CFAP97: variants seen among roughly 807,000 people sequenced by gnomAD.
The protein encoded by CFAP97 is cilia and flagella associated protein 97, also known as cilia- and flagella-associated protein 97.
A neutral mutation model predicts 43.1 loss-of-function variants in CFAP97; 36 were observed. The ratio of observed to expected loss-of-function variants is 0.84; its 90% confidence interval spans 0.64 to 1.10. The LOEUF is 1.10. Among genes scored for constraint, CFAP97 ranks in the 50% least tolerant of loss-of-function variants. The probability of loss-of-function intolerance (pLI) is 0.00; values close to 1 mark genes in which losing one functional copy is unlikely to be tolerated. For synonymous variants in CFAP97, 228 were observed against 225.7 expected, an observed-to-expected ratio of 1.01 and a Z score of -0.09; for missense variants, 657 against 620.3, an observed-to-expected ratio of 1.06 and a Z score of -0.63.
In CFAP97 at chr4:185,190,260, CT is replaced by C. The variant is rs1736176901; in HGVS notation, c.936del (p.Glu313LysfsTer15). ...SKYLKAAKKG[K>X]EKHEPDVSSK... is the part of the protein sequence containing the mutation. ...GAGGAGACATCAGGCTCATGTTTTTCTTTCCCTTTTTTGGCTGCTTTCAAAT... is the reference window on the plus strand; with the variant it reads ...GAGGAGACATCAGGCTCATGTTTTTCTTCCCTTTTTTGGCTGCTTTCAAAT... On this transcript the variant is annotated frameshift_variant, in exon 2 of 5. Coordinates refer to ENST00000458385, the MANE Select transcript of CFAP97 (RefSeq NM_020827.3). LOFTEE classifies it high-confidence loss of function. 1 of 1,613,192 alleles carries C rather than the reference CT, an allele frequency of 6.2e-7. No individual in the cohort carries two copies. Among genetic ancestry groups the C allele is most frequent in the Non-Finnish European group, 8.5e-7 (1 of 1,179,512 alleles).
intron 1 of CFAP97, among the ~76,000 whole-genome samples, chr4:185,202,391 A>G (rs1430555563): frequency 6.6e-6 from 1 of 152,128 alleles, no homozygotes; most frequent in Non-Finnish European, 1.5e-5. Context: ...TCTACAAAAA[A>G]TACAAAAATT....
intron 2 of CFAP97, among the ~76,000 whole-genome samples, chr4:185,184,879 T>C (rs1373683881): frequency 2.0e-5 from 3 of 152,202 alleles, no homozygotes; most frequent in African/African-American, 7.2e-5. Context: ...TACCTTCCTT[T>C]TGTATGCTCG....
chr4:185,166,697 A>G (rs924630323), intron 3 of CFAP97, among the ~76,000 whole-genome samples: 2 of 152,222 alleles, frequency 1.3e-5, no homozygotes, highest in South Asian at 2.1e-4. Context: ...TAGGGAAATA[A>G]GAGAGAAATG....
intron 3 of CFAP97, chr4:185,169,409 G>A (rs1735201838): frequency 5.5e-6 from 1 of 180,438 alleles, no homozygotes; most frequent in Non-Finnish European, 1.1e-5. Context: ...CTGCCACCAT[G>A]TAAGACATGC....
At chr4:185,207,089 T>TC (rs1024385983), upstream of CFAP97, among the ~76,000 whole-genome samples, 1 of 152,044 alleles carries the variant, frequency 6.6e-6, no homozygotes, top group African/African-American at 2.4e-5. Flanking sequence ...GGGTGGATCT[T>TC]CCCTACTCAA....
In CFAP97 at chr4:185,190,630, T is replaced by C. The variant is rs1426808471; in HGVS notation, c.567A>G (p.Leu189=). 2.0e-5 allele frequency: 32 copies of C among 1,596,304 alleles called. No individual in the cohort carries two copies. Among genetic ancestry groups the C allele is most frequent in the Non-Finnish European group, 2.6e-5 (30 of 1,170,718 alleles). The change falls in exon 2 of 5, where the codon TTA becomes TTG. Residue 189 remains leucine (L), a synonymous_variant. Coordinates refer to ENST00000458385, the MANE Select transcript of CFAP97 (RefSeq NM_020827.3). ...SSSSGSGTDC[L]DAGSDSHLSD... is the part of the protein sequence containing the mutation. ...ATAGATGGCTATCAGACCCTGCATC[T>C]AAACAATCTGTACCTGAACCTGAAG...
rs1363972889 is a variant in CFAP97 at position 185,160,977 on chromosome 4, A to T, written c.*1821T>A. The T allele has an allele frequency of 3.3e-5, 5 of 150,196 alleles. No homozygotes were observed. Among genetic ancestry groups the T allele is most frequent in the African/African-American group, 4.9e-5 (2 of 41,120 alleles). The allele number at this position is 150,196 out of a possible 1,614,324, so 9.3% of individuals were successfully genotyped here. A position where few individuals can be genotyped will look rare whatever the true frequency, so the allele number is the denominator to read the frequency against. On this transcript the variant is annotated 3_prime_UTR_variant, in exon 5 of 5. Coordinates refer to ENST00000458385, the MANE Select transcript of CFAP97 (RefSeq NM_020827.3). Reference sequence around the variant, plus strand: ...CTGGAACAACTTAAAAATCAATTTTAAAAAAACTGATTAATTCACTATTGG... The same window carrying T: ...CTGGAACAACTTAAAAATCAATTTTTAAAAAACTGATTAATTCACTATTGG...
chr4:185,193,887 G>GATAAATAAATAAATAA (rs71593607), intron 1 of CFAP97, among the ~76,000 whole-genome samples: 44,040 of 147,196 alleles, frequency 0.3, 7,090 homozygotes, highest in East Asian at 0.38. Flanking sequence ...GACTCCATCT[G>GATAAATAAATAAATAA]ATAAATAAAT....
At chr4:185,195,060 A>C (rs1312068651) in intron 1 of CFAP97, among the ~76,000 whole-genome samples, 6 of 152,232 alleles carry the variant, frequency 3.9e-5, no homozygotes, top group Non-Finnish European at 8.8e-5. Flanking sequence ...TACTGTTTGC[A>C]GTAGCAATGC....
At chr4:185,201,964 A>T (rs182714433) in intron 1 of CFAP97, among the ~76,000 whole-genome samples, 1 of 152,264 alleles carries the variant, frequency 6.6e-6, no homozygotes, top group Non-Finnish European at 1.5e-5. Context: ...TAAAATACGT[A>T]TGCCTTTTCT....
intron 3 of CFAP97, among the ~76,000 whole-genome samples, chr4:185,170,746 A>C: frequency 6.7e-6 from 1 of 149,944 alleles, no homozygotes; most frequent in Non-Finnish European, 1.5e-5. Context: ...GTACTTTGAG[A>C]CGCCGAGGCT....
At chr4:185,174,725 C>G (rs1432968476) in intron 3 of CFAP97, among the ~76,000 whole-genome samples, 1 of 152,126 alleles carries the variant, frequency 6.6e-6, no homozygotes, top group Non-Finnish European at 1.5e-5. Flanking sequence ...AAATATTTAA[C>G]CTGTCTAACC....
At chr4:185,188,875 ACAAT>A (rs1422040005) in intron 2 of CFAP97, among the ~76,000 whole-genome samples, 2 of 152,220 alleles carry the variant, frequency 1.3e-5, no homozygotes, top group Admixed American at 6.5e-5. Context: ...GAGACTCTAA[ACAAT>A]CAATAGGTAC....
chr4:185,206,929 G>C (rs1450521722), upstream of CFAP97, among the ~76,000 whole-genome samples: 1 of 152,162 alleles, frequency 6.6e-6, no homozygotes, highest in Admixed American at 6.5e-5. Context: ...AACCCAGGAG[G>C]CTGCTAGTGT....
At chr4:185,164,832 A>G (rs1332140052) in intron 3 of CFAP97, among the ~76,000 whole-genome samples, 1 of 152,262 alleles carries the variant, frequency 6.6e-6, no homozygotes, top group Non-Finnish European at 1.5e-5. Context: ...AATAGGAGTT[A>G]TAATGCTAAG....
At chr4:185,175,238 T>TTCTC (rs10638706) in intron 3 of CFAP97, among the ~76,000 whole-genome samples, 4,514 of 149,128 alleles carry the variant, frequency 0.03, 125 homozygotes, top group East Asian at 0.13. Flanking sequence ...AATGGTCTCC[T>TTCTC]TCTCTCTCTC....
chr4:185,210,099 G>C (rs1056553280), upstream of CFAP97: 115 of 984,120 alleles, frequency 1.2e-4, no homozygotes, highest in South Asian at 1.4e-4. The surrounding 1 kb of genome is among the most constrained non-coding windows in gnomAD (Gnocchi z 4.4). Flanking sequence ...GCTCCGTCCT[G>C]TTCAGGCTCA....
chr4:185,195,913 G>A (rs762548289), intron 1 of CFAP97, among the ~76,000 whole-genome samples: 2 of 152,128 alleles, frequency 1.3e-5, no homozygotes, highest in African/African-American at 4.8e-5. Context: ...AAAGAACTGT[G>A]GATACCCCAC....
chr4:185,162,980 G>C (rs1332412240), intron 4 of CFAP97, 55 bp from the exon 5 acceptor site: 3 of 1,457,118 alleles, frequency 2.1e-6, no homozygotes, highest in Non-Finnish European at 2.7e-6. Flanking sequence ...TTGAAGTCCA[G>C]ACTAGTTTTT....
Sources: gnomAD v4.1 joint callset for allele counts (sites outside exome capture counted in the v4.1 genomes callset) on GRCh38, gnomAD v4.1.1 for gene constraint, Gnocchi (gnomAD v3.1) non-coding constraint, MANE v1.5 for transcripts, NCBI Gene and HGNC (gene_info 2026-07-23, HGNC 2026-07-21) for gene names.